Variants in CX3CR1 observed in about 807,000 individuals in gnomAD.
CX3CR1 encodes the protein CX3C chemokine receptor 1.
For synonymous variants in CX3CR1, 168 were observed against 178.5 expected, an observed-to-expected ratio of 0.94 and a Z score of 0.47; for missense variants, 363 against 432.4, an observed-to-expected ratio of 0.84 and a Z score of 1.42.
intron 1 of CX3CR1, 142 bp from the exon 2 acceptor site, chr3:39,266,660 A>G (rs534874664): frequency 2.4e-6 from 2 of 819,428 alleles, no homozygotes; most frequent in South Asian, 2.7e-5. Flanking sequence ...CCCACTTGCC[A>G]TCTTGTTTAA....
chr3:39,276,554 G>T (rs1201919683), intron 1 of CX3CR1, among the ~76,000 whole-genome samples: 1 of 152,182 alleles, frequency 6.6e-6, no homozygotes, highest in Non-Finnish European at 1.5e-5. Context: ...CATGCTGTTG[G>T]TTTGGCTGTA....
chr3:39,266,630 C>A, intron 1 of CX3CR1, 112 bp from the exon 2 acceptor site: 6 of 1,038,834 alleles, frequency 5.8e-6, no homozygotes, highest in Non-Finnish European at 9.1e-6. Flanking sequence ...TGGTTGGGTG[C>A]ACACTACATT....
At chr3:39,292,503 T>C in the CX3CR1 span, among the ~76,000 whole-genome samples, 2 of 152,198 alleles carry the variant, frequency 1.3e-5, no homozygotes, top group Non-Finnish European at 2.9e-5. Flanking sequence ...GCAGGGTTTT[T>C]TAGGGATGAT....
chr3:39,292,761 G>A, the CX3CR1 span, among the ~76,000 whole-genome samples: 2 of 152,210 alleles, frequency 1.3e-5, no homozygotes, highest in Non-Finnish European at 2.9e-5. Context: ...TGGAGCTGCA[G>A]TCTGACTCTG....
chr3:39,266,748 G>A (rs2040706676), intron 1 of CX3CR1: 1 of 734,328 alleles, frequency 1.4e-6, no homozygotes, highest in Non-Finnish European at 2.5e-6. Context: ...CTTGCCCAAA[G>A]CCATGCAGTA....
chr3:39,267,487 G>C (rs1457311329), intron 1 of CX3CR1, among the ~76,000 whole-genome samples: 1 of 152,168 alleles, frequency 6.6e-6, no homozygotes, highest in Admixed American at 6.5e-5. Flanking sequence ...GTATCAGACA[G>C]AGTCATACAC....
intron 1 of CX3CR1, among the ~76,000 whole-genome samples, chr3:39,277,306 G>T (rs2853711): frequency 0.26 from 40,222 of 152,078 alleles, 5,342 homozygotes; most frequent in South Asian, 0.29. Flanking sequence ...TGGGATCAAG[G>T]TTCAGCTAGA....
upstream of CX3CR1, chr3:39,281,521 C>A: frequency 1.7e-6 from 2 of 1,162,484 alleles, no homozygotes; most frequent in South Asian, 2.6e-5. Flanking sequence ...TGTTCATGAG[C>A]ACACATCTCT....
At chr3:39,284,821 G>A (rs1353497034), upstream of CX3CR1, among the ~76,000 whole-genome samples, 1 of 152,194 alleles carries the variant, frequency 6.6e-6, no homozygotes, top group Non-Finnish European at 1.5e-5. Flanking sequence ...TGCAGGCAGG[G>A]AACAGCAAGA....
rs1374185250 is a variant in CX3CR1, at chr3:39,265,623, G to C, written c.887C>G (p.Ala296Gly). 1 of 1,614,054 alleles carries C rather than the reference G, an allele frequency of 6.2e-7. No individual in the cohort carries two copies. Among genetic ancestry groups the C allele is most frequent in the Non-Finnish European group, 8.5e-7 (1 of 1,180,034 alleles). Residue 296 changes from alanine (A) to glycine (G), a missense_variant, in exon 2 of 2, where the codon GCT becomes GGT. Ala to Gly is a moderately conservative substitution (Grantham distance 60). Transcript: ENST00000399220. ...AAGGTATCTTCTGAACTTCTCCCCA[G>C]CAAATGCATAGATGAGAGGATTCAG... is the stretch of plus-strand genomic sequence containing the variant. ...CCLNPLIYAF[A>G]GEKFRRYLYH...
upstream of CX3CR1, among the ~76,000 whole-genome samples, chr3:39,283,322 T>C (rs978859553): frequency 6.6e-6 from 1 of 152,216 alleles, no homozygotes; most frequent in African/African-American, 2.4e-5. Context: ...TGAGGTTTTA[T>C]GGTCTATGCT....
upstream of CX3CR1, among the ~76,000 whole-genome samples, chr3:39,285,294 C>T (rs1273011521): frequency 6.6e-6 from 1 of 151,710 alleles, no homozygotes; most frequent in African/African-American, 2.4e-5. Context: ...ATGGGAGGAT[C>T]ACTTGAGCCC....
chr3:39,288,560 C>T, the CX3CR1 span, among the ~76,000 whole-genome samples: 4 of 152,234 alleles, frequency 2.6e-5, no homozygotes, highest in African/African-American at 9.6e-5. Flanking sequence ...GAGCAGCAGG[C>T]GGAGCAGCCA....
upstream of CX3CR1, among the ~76,000 whole-genome samples, chr3:39,285,524 A>G (rs2040937486): frequency 6.6e-6 from 1 of 152,262 alleles, no homozygotes; most frequent in Admixed American, 6.5e-5. Context: ...TCTGCTCAAC[A>G]GTGATTAAAA....
At chr3:39,281,466 C>T (rs2040898344), upstream of CX3CR1, 5 of 809,976 alleles carry the variant, frequency 6.2e-6, no homozygotes, top group Admixed American at 9.5e-5. Flanking sequence ...CTGTCCCACA[C>T]TCTTGACGAC....
chr3:39,292,507 G>A, the CX3CR1 span, among the ~76,000 whole-genome samples: 7 of 152,114 alleles, frequency 4.6e-5, no homozygotes, highest in Non-Finnish European at 8.8e-5. Flanking sequence ...GGTTTTTTAG[G>A]GATGATTGTC....
upstream of CX3CR1, chr3:39,281,155 C>T (rs556390610): frequency 7.8e-6 from 8 of 1,020,622 alleles, no homozygotes; most frequent in East Asian, 5.2e-4. Context: ...TGCAGTGCTG[C>T]GGGCTTGGTG....
Position 39,266,068 on chromosome 3 carries a change from T to C in CX3CR1, c.442A>G (p.Thr148Ala), listed in dbSNP as rs370996490. The change falls in exon 2 of 2, where the codon ACC (threonine) becomes GCC (alanine). Residue 148 changes from threonine to alanine, a missense_variant. Physicochemically the swap from Thr to Ala is moderately conservative, Grantham distance 58. Transcript: ENST00000399220. ...GCTGCCCAGACGCCTAGGCTGATGG[T>C]GACGCCATGCTGCACGGTCCGGTTG... The part of the protein sequence containing the change: ...MNNRTVQHGV[T>A]ISLGVWAAAI... 3 of 1,614,084 alleles carry C rather than the reference T, an allele frequency of 1.9e-6. No homozygotes were observed. In the African/African-American group the frequency reaches 4.0e-5, roughly 22 times the overall value.
the CX3CR1 span, among the ~76,000 whole-genome samples, chr3:39,288,718 T>C: frequency 2.0e-5 from 3 of 152,172 alleles, no homozygotes; most frequent in South Asian, 6.2e-4. Flanking sequence ...TGCAGGCAAA[T>C]CTGGCAAGCC....
Sources: gnomAD v4.1 joint callset for allele counts (sites outside exome capture counted in the v4.1 genomes callset) on GRCh38, gnomAD v4.1.1 for gene constraint, MANE v1.5 for transcripts, NCBI Gene and HGNC (gene_info 2026-07-23, HGNC 2026-07-21) for gene names.